INSL6: variants seen among roughly 807,000 people sequenced by gnomAD.
INSL6 encodes insulin-like peptide INSL6.
A neutral mutation model predicts 9.4 loss-of-function variants in INSL6; 16 were observed. The ratio of observed to expected loss-of-function variants is 1.70; its 90% CI spans 1.15 to 2.59. INSL6 has a LOEUF of 2.59. Among genes scored for constraint, INSL6 ranks in the 30% most tolerant of loss-of-function variants. INSL6 has a pLI of 0.00. For synonymous variants in INSL6, 154 were observed against 96.9 expected (o/e 1.59, Z -3.46); for missense variants, 391 against 257.3 (o/e 1.52, Z -3.56).
the INSL6 span, among the ~76,000 whole-genome samples, chr9:5,087,826 ATATT>A: frequency 1.1e-3 from 160 of 152,314 alleles, 2 homozygotes; most frequent in East Asian, 0.023. Flanking sequence ...ATGTACACAA[ATATT>A]TATTTATAAG....
chr9:5,016,780 A>C, the INSL6 span, among the ~76,000 whole-genome samples: 1 of 152,136 alleles, frequency 6.6e-6, no homozygotes, highest in Non-Finnish European at 1.5e-5. Context: ...CAAGCTAACC[A>C]TTATCCTAAC....
At chr9:5,102,698 G>T in the INSL6 span, among the ~76,000 whole-genome samples, 2 of 152,238 alleles carry the variant, frequency 1.3e-5, no homozygotes, top group African/African-American at 4.8e-5. Flanking sequence ...GGATCTCTCA[G>T]CAGAAACTCT....
chr9:5,027,731 AC>A, the INSL6 span, among the ~76,000 whole-genome samples: 2 of 152,216 alleles, frequency 1.3e-5, no homozygotes, highest in African/African-American at 4.8e-5. Context: ...TGTCATTTCA[AC>A]AATATTCACA....
chr9:5,122,247 C>T (rs1381621209), downstream of INSL6, among the ~76,000 whole-genome samples: 1 of 152,120 alleles, frequency 6.6e-6, no homozygotes, highest in African/African-American at 2.4e-5. Context: ...AGCAATGGAA[C>T]CATGATACTC....
chr9:5,184,454 A>G (rs1009117173), intron 1 of INSL6, among the ~76,000 whole-genome samples: 3 of 152,258 alleles, frequency 2.0e-5, no homozygotes, highest in African/African-American at 7.2e-5. Context: ...ATCTGGAACA[A>G]GAATATCCTT....
At chr9:5,055,687 G>A in the INSL6 span, 5 of 1,578,330 alleles carry the variant, frequency 3.2e-6, no homozygotes, top group Non-Finnish European at 4.3e-6. Flanking sequence ...GTTATATTGC[G>A]ATTTTCCTAA....
the INSL6 span, among the ~76,000 whole-genome samples, chr9:5,056,872 T>C: frequency 2.2e-4 from 34 of 152,324 alleles, 1 homozygote; most frequent in Middle Eastern, 3.4e-3. Flanking sequence ...AGAAGTTAAG[T>C]AACTTTCCAA....
the INSL6 span, chr9:5,111,830 C>T: frequency 4.9e-6 from 2 of 408,836 alleles, no homozygotes; most frequent in Non-Finnish European, 9.6e-6. Flanking sequence ...TCCAGCCACA[C>T]GCCTGTCGGC....
At chr9:5,150,155 T>C (rs1018616667) in intron 2 of INSL6, among the ~76,000 whole-genome samples, 5 of 152,108 alleles carry the variant, frequency 3.3e-5, no homozygotes, top group Non-Finnish European at 5.9e-5. Flanking sequence ...TAGAAGAAAA[T>C]CTCAGAAAAA....
intron 1 of INSL6, among the ~76,000 whole-genome samples, chr9:5,180,462 T>C (rs1825427210): frequency 1.3e-5 from 2 of 152,270 alleles, no homozygotes; most frequent in South Asian, 4.2e-4. Flanking sequence ...AGGGAAGATA[T>C]CACTAAATTC....
chr9:5,149,058 G>GC (rs1047389326), intron 2 of INSL6, among the ~76,000 whole-genome samples: 1 of 152,180 alleles, frequency 6.6e-6, no homozygotes, highest in Non-Finnish European at 1.5e-5. Flanking sequence ...TGCCAGAGCT[G>GC]CCCCAAAGTC....
chr9:5,004,473 T>G, the INSL6 span, among the ~76,000 whole-genome samples: 1 of 152,216 alleles, frequency 6.6e-6, no homozygotes, highest in African/African-American at 2.4e-5. Flanking sequence ...ATTTTCTTCT[T>G]TTTTTAAGGC....
chr9:5,166,924 G>A (rs1304297208), intron 1 of INSL6, among the ~76,000 whole-genome samples: 1 of 152,074 alleles, frequency 6.6e-6, no homozygotes, highest in African/African-American at 2.4e-5. Context: ...CCATAAACAC[G>A]TTTTACAAAT....
At chr9:5,060,958 C>T in the INSL6 span, among the ~76,000 whole-genome samples, 7 of 152,230 alleles carry the variant, frequency 4.6e-5, no homozygotes, top group East Asian at 9.6e-4. Context: ...CTGAAAATAA[C>T]ATGAATATCC....
chr9:5,125,816 T>C (rs1173744401), intron 3 of INSL6: 1 of 148,318 alleles, frequency 6.7e-6, no homozygotes, highest in Non-Finnish European at 1.5e-5. Flanking sequence ...TTTGCCTATC[T>C]TTATATTTGT....
At chr9:5,174,526 T>C (rs1825255348) in intron 1 of INSL6, among the ~76,000 whole-genome samples, 1 of 152,216 alleles carries the variant, frequency 6.6e-6, no homozygotes, top group Non-Finnish European at 1.5e-5. Context: ...AGTTGTCCCT[T>C]TTCTGTTTCC....
the INSL6 span, among the ~76,000 whole-genome samples, chr9:5,084,479 AG>A: frequency 1.3e-4 from 20 of 152,266 alleles, no homozygotes; most frequent in South Asian, 3.5e-3. Flanking sequence ...TATTCCAAAG[AG>A]GGATATATAT....
the INSL6 span, among the ~76,000 whole-genome samples, chr9:5,060,888 T>A: frequency 6.6e-6 from 1 of 152,228 alleles, no homozygotes; most frequent in East Asian, 1.9e-4. Flanking sequence ...ATAATAAGAC[T>A]TGAAAGTTGA....
chr9:5,055,653 A>T, the INSL6 span: 1 of 1,527,598 alleles, frequency 6.5e-7, no homozygotes, highest in East Asian at 2.3e-5. Flanking sequence ...TTAATTTTAC[A>T]TGCTTTTAAT....
Sources: allele counts gnomAD v4.1 joint callset (sites outside exome capture counted in the v4.1 genomes callset), GRCh38; gene constraint gnomAD v4.1.1; transcripts MANE v1.5; gene names NCBI Gene and HGNC (gene_info 2026-07-23, HGNC 2026-07-21).